Variants in BLTP1 observed in about 807,000 individuals in gnomAD.
The protein encoded by BLTP1 is fragile site-associated protein.
At chr4:122,169,671 A>G in the BLTP1 span, 1 of 954,618 alleles carries the variant, frequency 1.0e-6, no homozygotes, top group African/African-American at 1.8e-5. Context: ...GTGCATATAT[A>G]CATATACACA....
the BLTP1 span, chr4:122,339,358 AT>A: frequency 6.2e-7 from 1 of 1,613,506 alleles, no homozygotes; most frequent in African/African-American, 1.3e-5. Context: ...CCTGGAGGTA[AT>A]GCTACTCAGA....
At chr4:122,230,150 CA>C in the BLTP1 span, 1 of 1,613,932 alleles carries the variant, frequency 6.2e-7, no homozygotes, top group Non-Finnish European at 8.5e-7. Context: ...AGCTGCTGAC[CA>C]TCATTCTAAA....
At chr4:122,247,936 A>G in the BLTP1 span, 1 of 985,000 alleles carries the variant, frequency 1.0e-6, no homozygotes, top group Non-Finnish European at 1.2e-6. Flanking sequence ...CAATTCAGAA[A>G]AAGTTAGATT....
chr4:122,159,616 A>G, the BLTP1 span, among the ~76,000 whole-genome samples: 7 of 152,286 alleles, frequency 4.6e-5, no homozygotes, highest in East Asian at 1.2e-3. Context: ...CTTAGCTACT[A>G]CTGTTATAAT....
the BLTP1 span, chr4:122,236,934 A>T: frequency 3.0e-6 from 3 of 985,294 alleles, no homozygotes; most frequent in Non-Finnish European, 3.6e-6. Flanking sequence ...TGGAGTACAG[A>T]TGCAGTGTCA....
chr4:122,198,096 A>T, the BLTP1 span: 2 of 985,306 alleles, frequency 2.0e-6, no homozygotes, highest in Non-Finnish European at 2.4e-6. Context: ...CTGTAAGAGG[A>T]AAGCAGGCAG....
chr4:122,236,632 G>A, the BLTP1 span, among the ~76,000 whole-genome samples: 1 of 152,054 alleles, frequency 6.6e-6, no homozygotes, highest in African/African-American at 2.4e-5. Flanking sequence ...TTCTACAACT[G>A]GTGCTAATTA....
At chr4:122,359,340 T>G in the BLTP1 span, 1 of 970,374 alleles carries the variant, frequency 1.0e-6, no homozygotes, top group Non-Finnish European at 1.2e-6. Flanking sequence ...AAGTCAATGA[T>G]CTCAGCATTT....
At chr4:122,156,356 T>G in the BLTP1 span, among the ~76,000 whole-genome samples, 1 of 152,040 alleles carries the variant, frequency 6.6e-6, no homozygotes, top group Admixed American at 6.5e-5. Flanking sequence ...AGGGTGAGGT[T>G]AAAGAAAAAT....
At chr4:122,209,482 T>C in the BLTP1 span, 69 of 825,856 alleles carry the variant, frequency 8.4e-5, no homozygotes, top group Non-Finnish European at 1.2e-4. Flanking sequence ...TTGTCTCTAG[T>C]AAATATACAA....
chr4:122,240,946 T>A, the BLTP1 span, among the ~76,000 whole-genome samples: 1 of 152,230 alleles, frequency 6.6e-6, no homozygotes, highest in East Asian at 1.9e-4. Context: ...ATATTTATTA[T>A]ACAGTATTGT....
the BLTP1 span, chr4:122,247,518 A>G: frequency 9.7e-7 from 1 of 1,034,758 alleles, no homozygotes. Flanking sequence ...GTATTTAGCT[A>G]CTTGTCACTC....
the BLTP1 span, chr4:122,325,232 C>T: frequency 1.8e-5 from 28 of 1,598,514 alleles, 1 homozygote; most frequent in Non-Finnish European, 8.6e-7. Context: ...ACTTGCAGTT[C>T]TCGAGTAGGA....
chr4:122,312,498 A>G, the BLTP1 span, among the ~76,000 whole-genome samples: 4,610 of 152,230 alleles, frequency 0.03, 165 homozygotes, highest in African/African-American at 0.087. Flanking sequence ...TTGGATTTGA[A>G]AGGGTAATGT....
the BLTP1 span, chr4:122,210,884 C>T: frequency 1.9e-6 from 3 of 1,608,582 alleles, no homozygotes; most frequent in East Asian, 6.7e-5. Flanking sequence ...TAATTTATTA[C>T]AGTATCAGAA....
chr4:122,348,097 G>T, the BLTP1 span, among the ~76,000 whole-genome samples: 1 of 152,018 alleles, frequency 6.6e-6, no homozygotes, highest in African/African-American at 2.4e-5. Context: ...TGTAGTTCTC[G>T]TCAAAAGATT....
chr4:122,201,893 A>G, the BLTP1 span: 1 of 984,604 alleles, frequency 1.0e-6, no homozygotes, highest in Non-Finnish European at 1.2e-6. Flanking sequence ...GCTGAGTACT[A>G]TTAGATATTT....
chr4:122,220,631 ATG>A, the BLTP1 span, among the ~76,000 whole-genome samples: 1 of 152,200 alleles, frequency 6.6e-6, no homozygotes, highest in African/African-American at 2.4e-5. Context: ...GTTTATGTGT[ATG>A]AGAGTTGTTT....
At chr4:122,289,573 T>C in the BLTP1 span, 1 of 985,336 alleles carries the variant, frequency 1.0e-6, no homozygotes, top group Non-Finnish European at 1.2e-6. Flanking sequence ...CATGGTAAAT[T>C]GTCTGTGGAA....
Sources: gnomAD v4.1 joint callset for allele counts (sites outside exome capture counted in the v4.1 genomes callset) on GRCh38, gnomAD v4.1.1 for gene constraint, MANE v1.5 for transcripts, NCBI Gene and HGNC (gene_info 2026-07-23, HGNC 2026-07-21) for gene names.